The following SOD2 variants were observed in gnomAD, a reference collection of about 807,000 sequenced individuals.
The protein encoded by SOD2 is superoxide dismutase 2.
A neutral mutation model predicts 27.0 loss-of-function variants in SOD2; 11 were observed. That is an observed-to-expected ratio of 0.41 (90% confidence interval 0.26 to 0.67). SOD2 has a LOEUF of 0.67. SOD2 is among the 30% of genes least tolerant of loss of function. The pLI is 0.34. For synonymous variants in SOD2, 105 were observed against 103.0 expected (o/e 1.02, Z -0.12); for missense variants, 250 against 274.5 (o/e 0.91, Z 0.63).
chr6:159,749,254 C>T (rs1376328248), upstream of SOD2: 29 of 985,622 alleles, frequency 2.9e-5, no homozygotes, highest in Admixed American at 6.2e-5. Context: ...TGTGATGAGA[C>T]TCACTGCATT....
chr6:159,739,824 C>CTTTTTTTTT (rs56389349), intron 1 of SOD2, among the ~76,000 whole-genome samples: 6 of 85,186 alleles, frequency 7.0e-5, no homozygotes, highest in Non-Finnish European at 1.1e-4. Flanking sequence ...CACTTTTTAC[C>CTTTTTTTTT]TTTTTTTTTT....
intron 1 of SOD2, chr6:159,726,634 G>C: frequency 2.0e-6 from 1 of 491,162 alleles, no homozygotes. Context: ...GGACCTCTTT[G>C]ATTGAGTTCA....
chr6:159,727,799 G>A, upstream of SOD2: 1 of 876,908 alleles, frequency 1.1e-6, no homozygotes, highest in Non-Finnish European at 1.4e-6. Context: ...GGCGGGCAGG[G>A]CCCGAAAGGC....
At chr6:159,710,270 C>CATAT (rs141490345) in intron 1 of SOD2, among the ~76,000 whole-genome samples, 25,267 of 143,288 alleles carry the variant, frequency 0.18, 2,418 homozygotes, top group South Asian at 0.28. Flanking sequence ...AGTATAAATA[C>CATAT]ATATATATAT....
chr6:159,708,953 A>G (rs914169962), intron 1 of SOD2, among the ~76,000 whole-genome samples: 31 of 151,940 alleles, frequency 2.0e-4, no homozygotes, highest in African/African-American at 7.3e-4. Context: ...GCCCTCAGAA[A>G]TAATACCACA....
intron 1 of SOD2, among the ~76,000 whole-genome samples, chr6:159,700,922 T>C (rs1045843391): frequency 4.6e-5 from 7 of 152,264 alleles, no homozygotes; most frequent in Middle Eastern, 3.4e-3. Context: ...TTTCTTAAGC[T>C]TCCCTGGAAC....
At chr6:159,691,601 G>A (rs865994218) in intron 2 of SOD2, 2 of 151,538 alleles carry the variant, frequency 1.3e-5, no homozygotes, top group African/African-American at 2.4e-5. Context: ...AACCACTAAC[G>A]AATAAATTAA....
upstream of SOD2, chr6:159,748,970 A>G: frequency 1.9e-6 from 2 of 1,060,264 alleles, no homozygotes; most frequent in Non-Finnish European, 2.3e-6. This position sits in a 1 kb window ranked among gnomAD's most constrained non-coding sequence, Gnocchi z 5.6. Flanking sequence ...TTTGCTGAGA[A>G]CCAACTTTCA....
intron 1 of SOD2, chr6:159,726,902 C>T (rs1778196417): frequency 1.6e-6 from 2 of 1,288,976 alleles, no homozygotes; most frequent in South Asian, 2.5e-5. Flanking sequence ...CCCACGGCCT[C>T]TCTCTTGAGG....
intron 1 of SOD2, among the ~76,000 whole-genome samples, chr6:159,756,695 C>CG (rs1780018962): frequency 6.8e-6 from 1 of 147,274 alleles, no homozygotes; most frequent in Non-Finnish European, 1.5e-5. Context: ...TCAAAGTCCT[C>CG]GACTCAAGTG....
At position 159,716,612 on chromosome 6, in the gene SOD2, G is replaced by A. The variant is rs546126174; in HGVS notation, c.-116+10517C>T. ...TCACTATGTGGTAAAGACCATGACA[G>A]CCATGCTTGCCTTAGACCAGCAGTT... On this transcript the variant is annotated intron_variant, in intron 1 of 2. Coordinates refer to the SOD2 transcript ENST00000401980. Among the ~76,000 whole-genome samples the A allele has an allele frequency of 1.1e-4, 17 of 152,292 alleles. No individual in the cohort carries two copies. The East Asian group carries it at 3.3e-3, about 29-fold the overall frequency.
chr6:159,711,475 A>G (rs372101111), intron 1 of SOD2, among the ~76,000 whole-genome samples: 34 of 69,012 alleles, frequency 4.9e-4, no homozygotes, highest in African/African-American at 1.2e-3. Flanking sequence ...CACCATAACC[A>G]CCTCCACAAC....
At chr6:159,761,528 G>A (rs1056596332) in exon 1 of SOD2, 1 of 456,134 alleles carries the variant, frequency 2.2e-6, no homozygotes, top group African/African-American at 2.0e-5. Flanking sequence ...GAAACGCATA[G>A]GACCTCCCGA....
intron 1 of SOD2, chr6:159,726,645 C>T (rs1778182486): frequency 5.0e-6 from 3 of 597,962 alleles, no homozygotes; most frequent in Middle Eastern, 6.4e-4. Flanking sequence ...ATTGAGTTCA[C>T]TAAACCTCAC....
chr6:159,712,639 AACCACCACTCACAATG>A, intron 1 of SOD2, among the ~76,000 whole-genome samples: 1 of 145,698 alleles, frequency 6.9e-6, no homozygotes, highest in Non-Finnish European at 1.5e-5. Context: ...CCACCTCCAT[AACCACCACTCACAATG>A]CTCTGATCAC....
At chr6:159,736,329 T>C in intron 1 of SOD2, 1 of 1,508,582 alleles carries the variant, frequency 6.6e-7, no homozygotes, top group Non-Finnish European at 9.1e-7. Flanking sequence ...TTTTGTTTTG[T>C]TTTGGGTTTT....
chr6:159,745,383 C>T (rs898416534), upstream of SOD2, among the ~76,000 whole-genome samples: 2 of 152,096 alleles, frequency 1.3e-5, no homozygotes, highest in Admixed American at 6.5e-5. Flanking sequence ...CTCTTGTCTC[C>T]TCGACCTGGA....
chr6:159,761,669 G>C (rs1562472993), exon 1 of SOD2: 1 of 417,630 alleles, frequency 2.4e-6, no homozygotes, highest in Non-Finnish European at 4.7e-6. Flanking sequence ...TCACCCCCCA[G>C]TCTTTACTGT....
upstream of SOD2, among the ~76,000 whole-genome samples, chr6:159,696,433 C>T (rs1583025933): frequency 6.6e-6 from 1 of 152,272 alleles, no homozygotes; most frequent in East Asian, 1.9e-4. Context: ...GATTCTCCTG[C>T]CTTAGCCTCC....
Sources: allele counts gnomAD v4.1 joint callset (sites outside exome capture counted in the v4.1 genomes callset), GRCh38; gene constraint gnomAD v4.1.1; non-coding constraint Gnocchi (gnomAD v3.1); transcripts MANE v1.5; gene names NCBI Gene and HGNC (gene_info 2026-07-23, HGNC 2026-07-21).